The following MTA3 variants were observed in gnomAD, a reference collection of about 807,000 sequenced individuals.
MTA3 encodes metastasis associated 1 family member 3.
A neutral mutation model predicts 83.5 loss-of-function variants in MTA3; 34 were observed. The observed-to-expected ratio is 0.41, with a 90% confidence interval of 0.31 to 0.54. The LOEUF is 0.54. MTA3 is among the 20% of genes least tolerant of loss of function. MTA3 has a pLI of 0.33. For missense variants in MTA3, 761 were observed against 726.4 expected, an observed-to-expected ratio of 1.05 and a Z score of -0.55; for synonymous variants, 303 against 252.7, an observed-to-expected ratio of 1.20 and a Z score of -1.89.
At chr2:42,690,703 A>G (rs751727512) in intron 9 of MTA3, among the ~76,000 whole-genome samples, 8 of 142,722 alleles carry the variant, frequency 5.6e-5, no homozygotes, top group Non-Finnish European at 1.2e-4. Context: ...TTTTGGAGAC[A>G]GAGTCTCTAT....
intron 7 of MTA3, 88 bp downstream of exon 7, chr2:42,656,390 T>C: frequency 1.4e-6 from 1 of 736,818 alleles, no homozygotes; most frequent in Non-Finnish European, 2.1e-6. Context: ...CTTTGTATTC[T>C]GCTTTTCTCC....
At chr2:42,590,158 C>T (rs1243293939) in intron 3 of MTA3, among the ~76,000 whole-genome samples, 1 of 152,110 alleles carries the variant, frequency 6.6e-6, no homozygotes, top group Non-Finnish European at 1.5e-5. Flanking sequence ...ACACTATAGC[C>T]CTTTTCCTGC....
intron 2 of MTA3, among the ~76,000 whole-genome samples, chr2:42,498,802 C>A (rs1674263154): frequency 6.6e-6 from 1 of 152,126 alleles, no homozygotes; most frequent in South Asian, 2.1e-4. Flanking sequence ...GGTTGTATAA[C>A]AGAATTGAAA....
intron 9 of MTA3, among the ~76,000 whole-genome samples, chr2:42,692,780 T>C (rs1693020081): frequency 6.6e-6 from 1 of 152,222 alleles, no homozygotes; most frequent in African/African-American, 2.4e-5. Context: ...TGTCCAGCAT[T>C]GGTCCCTCCT....
chr2:42,706,164 T>C (rs1013365643), intron 12 of MTA3, among the ~76,000 whole-genome samples: 1 of 152,106 alleles, frequency 6.6e-6, no homozygotes, highest in Non-Finnish European at 1.5e-5. Context: ...TTAGGAGATA[T>C]ACCTAATGCT....
intron 4 of MTA3, among the ~76,000 whole-genome samples, chr2:42,610,563 G>A (rs1363884243): frequency 6.6e-6 from 1 of 152,140 alleles, no homozygotes; most frequent in Non-Finnish European, 1.5e-5. Context: ...CAGTTGTTGA[G>A]GAAAAACGGT....
intron 15 of MTA3, among the ~76,000 whole-genome samples, chr2:42,721,118 A>G (rs1046588321): frequency 2.0e-5 from 3 of 152,148 alleles, no homozygotes; most frequent in Non-Finnish European, 2.9e-5. Context: ...TCCCTACACA[A>G]TATATTTATG....
intron 9 of MTA3, among the ~76,000 whole-genome samples, chr2:42,683,511 G>T (rs1368977876): frequency 1.3e-5 from 2 of 152,086 alleles, no homozygotes; most frequent in East Asian, 1.9e-4. Flanking sequence ...TACGTTTATT[G>T]TGCACTTCAT....
intron 2 of MTA3, among the ~76,000 whole-genome samples, chr2:42,549,496 T>TAC (rs1285480781): frequency 2.8e-5 from 1 of 35,308 alleles, no homozygotes; most frequent in Non-Finnish European, 3.8e-5. Flanking sequence ...AATTATATAT[T>TAC]ATATCATATA....
chr2:42,750,385 C>T (rs187380704), intron 16 of MTA3, among the ~76,000 whole-genome samples: 101 of 146,760 alleles, frequency 6.9e-4, no homozygotes, highest in Middle Eastern at 3.5e-3. Context: ...GTCTCTAACA[C>T]CTGCTGTTAG....
chr2:42,709,321 A>G, intron 14 of MTA3: 2 of 1,361,892 alleles, frequency 1.5e-6, no homozygotes, highest in Non-Finnish European at 1.9e-6. Flanking sequence ...ACTCTTTACC[A>G]GAGAGTAGTG....
intron 8 of MTA3, among the ~76,000 whole-genome samples, chr2:42,678,433 G>C (rs975573657): frequency 6.6e-6 from 1 of 152,092 alleles, no homozygotes; most frequent in Non-Finnish European, 1.5e-5. Context: ...CACCTCCTGG[G>C]TTCAAGTGAT....
intron 2 of MTA3, among the ~76,000 whole-genome samples, chr2:42,498,967 A>G (rs1674272043): frequency 6.6e-6 from 1 of 152,150 alleles, no homozygotes; most frequent in Non-Finnish European, 1.5e-5. Context: ...ACAAAGGTAG[A>G]GCTGTAACTC....
intron 16 of MTA3, among the ~76,000 whole-genome samples, chr2:42,744,674 G>A (rs1387107898): frequency 6.6e-6 from 1 of 152,114 alleles, no homozygotes. Flanking sequence ...AAAAGGAAAG[G>A]GAAGGAGACA....
In MTA3 at chr2:42,745,824, C is replaced by CTTTTTTT. The variant is rs146921280; in HGVS notation, c.1760-7548_1760-7542dup. 2.7e-4 allele frequency among the ~76,000 whole-genome samples: 32 copies of CTTTTTTT among 119,428 alleles called. 8 individuals are homozygous for CTTTTTTT. In the East Asian group the frequency reaches 5.8e-3, roughly 22 times the overall value. The allele number at this position is 119,428 out of a possible 152,430, so 78.3% of individuals were successfully genotyped here. On this transcript the variant is annotated intron_variant, in intron 16 of 16. Transcript: ENST00000405094. ...TTTTATGTCCTTTTGAAATAGTCCT[C>CTTTTTTT]TTTTTTTTGAGACAGAGTCTCGCTC...
At chr2:42,696,772 C>G (rs548411820) in intron 10 of MTA3, among the ~76,000 whole-genome samples, 13 of 152,182 alleles carry the variant, frequency 8.5e-5, no homozygotes, top group African/African-American at 3.1e-4. Flanking sequence ...CAAAAAGTAC[C>G]ATGGTGAATT....
chr2:42,520,253 G>A (rs1400216509), intron 2 of MTA3, among the ~76,000 whole-genome samples: 1 of 152,136 alleles, frequency 6.6e-6, no homozygotes, highest in Non-Finnish European at 1.5e-5. Flanking sequence ...CCCTGCACCT[G>A]TAGGCCCTCT....
chr2:42,623,230 C>T (rs1685747184), intron 4 of MTA3, among the ~76,000 whole-genome samples: 1 of 152,186 alleles, frequency 6.6e-6, no homozygotes, highest in South Asian at 2.1e-4. Flanking sequence ...TGAAGGACAC[C>T]TGGATCCTGG....
At chr2:42,526,656 A>C (rs1438609135) in intron 2 of MTA3, among the ~76,000 whole-genome samples, 1 of 152,162 alleles carries the variant, frequency 6.6e-6, no homozygotes, top group Non-Finnish European at 1.5e-5. Flanking sequence ...AGAAATTGGT[A>C]TGTGGTTAGG....
Sources: allele counts gnomAD v4.1 joint callset (sites outside exome capture counted in the v4.1 genomes callset), GRCh38; gene constraint gnomAD v4.1.1; transcripts MANE v1.5; gene names NCBI Gene and HGNC (gene_info 2026-07-23, HGNC 2026-07-21).